The following TRIM41 variants were observed in gnomAD, a reference collection of about 807,000 sequenced individuals.
TRIM41 encodes the protein tripartite motif containing 41.
TRIM41 carries 21 observed loss-of-function variants against 60.6 expected under a neutral mutation model. That is an observed-to-expected ratio of 0.35 (90% CI 0.25 to 0.50). TRIM41 has a LOEUF of 0.50. TRIM41 is among the 20% of genes least tolerant of loss of function. The pLI is 0.98. For synonymous variants in TRIM41, 407 were observed against 344.9 expected (o/e 1.18, Z -2.00); for missense variants, 846 against 868.3 (o/e 0.97, Z 0.32).
intron 1 of TRIM41, chr5:181,230,313 G>A (rs565306908): frequency 2.5e-5 from 4 of 159,722 alleles, no homozygotes; most frequent in South Asian, 1.7e-4. Flanking sequence ...GTAGCATGGC[G>A]AGGTGAAACC....
chr5:181,235,293 T>G lies in TRIM41; in HGVS notation c.*518T>G. 1.2e-6 allele frequency: 2 copies of G among 1,614,026 alleles called. No homozygotes were observed. Among genetic ancestry groups the G allele is most frequent in the South Asian group, 2.2e-5 (2 of 91,052 alleles). Reference sequence around the variant, plus strand: ...AGGGTAGAGCTGGGTAATAAATGTCTATTCTCCTGGGGAGGAGGGATTCTA... The same window carrying G: ...AGGGTAGAGCTGGGTAATAAATGTCGATTCTCCTGGGGAGGAGGGATTCTA... On this transcript the variant is annotated 3_prime_UTR_variant, in exon 6 of 6. Coordinates refer to ENST00000315073, the MANE Select transcript of TRIM41 (RefSeq NM_033549.5).
rs1303829085 is a variant in TRIM41, at chr5:181,235,213, A to G, written c.*438A>G. On this transcript the variant is annotated 3_prime_UTR_variant, in exon 6 of 6. Transcript: ENST00000315073. ...ATCCCCATTCCAATTCCATTTTCTG[A>G]TGCAGATTTTAGCTGAGGGATTTGG... 1.3e-6 allele frequency: 2 copies of G among 1,562,224 alleles called. No homozygotes were observed. Among genetic ancestry groups the G allele is most frequent in the African/African-American group, 1.4e-5 (1 of 73,938 alleles).
At position 181,234,241 on chromosome 5, in the gene TRIM41, C is replaced by T. The variant is rs763684917; in HGVS notation, c.1359C>T (p.Val453=). 8 of 1,613,250 alleles carry T rather than the reference C, an allele frequency of 5.0e-6. No homozygotes were observed. The Admixed American group carries it at 6.7e-5, about 13-fold the overall frequency. ...TGCTGTCCCCTGACCGCCGGGGGGT[C>T]CGCCTGGCAGAGCGGCGGCAGGAGG... ...ALMLSPDRRG[V]RLAERRQEVA... is the part of the protein sequence containing the mutation. The change falls in exon 6 of 6, where the codon GTC becomes GTT. Residue 453 remains valine, a synonymous_variant. Coordinates refer to ENST00000315073, the MANE Select transcript of TRIM41 (RefSeq NM_033549.5). This position sits in a 1 kb window ranked among gnomAD's most constrained non-coding sequence, Gnocchi z 5.6.
rs1231313028 is a variant in TRIM41, at chr5:181,234,426, C to T, written c.1544C>T (p.Pro515Leu). The T allele has an allele frequency of 1.9e-6, 3 of 1,594,682 alleles. No homozygotes were observed. In the Admixed American group the frequency reaches 5.3e-5, roughly 28 times the overall value. ...ESTHHKEKVG[P>L]GGSSVGSGDA... is the part of the protein sequence containing the mutation. ...ACCCATCATAAGGAAAAGGTGGGCC[C>T]TGGGGGTTCCTCCGTGGGCAGCGGG... The change falls in exon 6 of 6, where the codon CCT (proline) becomes CTT (leucine). Residue 515 changes from proline to leucine, a missense_variant. Transcript: ENST00000315073. The surrounding 1 kb of genome is among the most constrained non-coding windows in gnomAD (Gnocchi z 5.6).
chr5:181,224,031 T>C lies in TRIM41; in HGVS notation c.32T>C (p.Val11Ala). MAAVAMTPNP[V>A]QTLQEEAVCA... ...GCCGTTGCCATGACACCCAACCCTG[T>C]GCAGACCCTTCAGGAGGAGGCGGTG... Residue 11 changes from valine to alanine, a missense_variant, in exon 1 of 6, where the codon GTG (valine) becomes GCG (alanine). By Grantham distance (64) the Val-to-Ala change is moderately conservative. Coordinates refer to ENST00000315073, the MANE Select transcript of TRIM41 (RefSeq NM_033549.5). 1 of 1,614,118 alleles carries C rather than the reference T, an allele frequency of 6.2e-7. No homozygotes were observed. The highest frequency in any genetic ancestry group is 8.5e-7 in the Non-Finnish European group (1 of 1,180,008).
At chr5:181,230,945 G>C (rs946991998) in intron 2 of TRIM41, 106 bp downstream of exon 2, 2 of 979,822 alleles carry the variant, frequency 2.0e-6, no homozygotes, top group Non-Finnish European at 1.6e-6. Context: ...GGAGGGGACA[G>C]CTAAGGCCTG....
Position 181,223,777 on chromosome 5 carries a change from G to GCCCAGCACTGT in TRIM41, c.-219_-209dup. The GCCCAGCACTGT allele has an allele frequency of 1.6e-6, 1 of 607,950 alleles. No homozygotes were observed. The highest frequency in any genetic ancestry group is 2.9e-6 in the Non-Finnish European group (1 of 343,856). 37.7% of individuals were successfully genotyped at this position (607,950 alleles called of 1,614,324 possible). On this transcript the variant is annotated 5_prime_UTR_variant, in exon 1 of 6. Coordinates refer to ENST00000315073, the MANE Select transcript of TRIM41 (RefSeq NM_033549.5). The stretch of plus-strand genomic sequence containing the variant: ...GCCACCTGAGGGACTTGGCGGTGGC[G>GCCCAGCACTGT]CCCAGCACTGTCCCCTCCCCTCGTA...
In TRIM41 at chr5:181,233,177, C is replaced by T. The variant is rs748986394; in HGVS notation, c.1141-236C>T. 6.6e-5 allele frequency: 47 copies of T among 714,090 alleles called. No individual in the cohort carries two copies. Among genetic ancestry groups the T allele is most frequent in the Non-Finnish European group, 7.9e-5 (31 of 393,928 alleles). 44.2% of individuals were successfully genotyped at this position (714,090 alleles called of 1,614,324 possible). On this transcript the variant is annotated intron_variant, in intron 3 of 5. Transcript: ENST00000315073. The surrounding 1 kb of genome is among the most constrained non-coding windows in gnomAD (Gnocchi z 4.1). Reference sequence around the variant, plus strand: ...GACATCCTGAAAAAGGTGAGCAAGTCGTATTGTGGAAATGACAGTATCCCT... The same window carrying T: ...GACATCCTGAAAAAGGTGAGCAAGTTGTATTGTGGAAATGACAGTATCCCT...
At chr5:181,227,605 C>T (rs1758604385) in intron 1 of TRIM41, 2 of 152,112 alleles carry the variant, frequency 1.3e-5, no homozygotes. Flanking sequence ...CCGTCTCGGC[C>T]TCCCAAAGTG....
chr5:181,230,802 T>C lies in TRIM41; in HGVS notation c.872T>C (p.Met291Thr). 2 of 1,613,004 alleles carry C rather than the reference T, an allele frequency of 1.2e-6. No homozygotes were observed. Among genetic ancestry groups the C allele is most frequent in the Non-Finnish European group, 1.7e-6 (2 of 1,179,394 alleles). ...LRKHLEAVQKMKAKEERRVTE... is the reference protein window; with the variant it reads ...LRKHLEAVQKTKAKEERRVTE... Reference sequence around the variant, plus strand: ...AAGCACCTGGAGGCAGTGCAGAAGATGAAAGCCAAGGAGGAGAGGCGAGTG... The same window carrying C: ...AAGCACCTGGAGGCAGTGCAGAAGACGAAAGCCAAGGAGGAGAGGCGAGTG... Residue 291 changes from methionine to threonine, a missense_variant, in exon 2 of 6, where the codon ATG (methionine) becomes ACG (threonine). Physicochemically the swap from Met to Thr is moderately conservative, Grantham distance 81. Coordinates refer to ENST00000315073, the MANE Select transcript of TRIM41 (RefSeq NM_033549.5).
chr5:181,229,029 G>C (rs1486845483), intron 1 of TRIM41: 1 of 150,530 alleles, frequency 6.6e-6, no homozygotes, highest in Non-Finnish European at 1.5e-5. Flanking sequence ...AAAGTAGAAA[G>C]TTATATCAGA....
chr5:181,233,831 G>C lies in TRIM41; in HGVS notation c.1291+68G>C. The C allele has an allele frequency of 6.2e-7, 1 of 1,609,658 alleles. No individual in the cohort carries two copies. The highest frequency in any genetic ancestry group is 8.5e-7 in the Non-Finnish European group (1 of 1,176,702). ...ACAGACCTGAGACTGGGTCCTGAGG[G>C]AAGTTGGGCCCCAGGGAAACTGTGG... On this transcript the variant is annotated intron_variant, in intron 5 of 5. Coordinates refer to ENST00000315073, the MANE Select transcript of TRIM41 (RefSeq NM_033549.5). The surrounding 1 kb of genome is among the most constrained non-coding windows in gnomAD (Gnocchi z 4.1).
Position 181,224,510 on chromosome 5 carries a change from C to A in TRIM41, c.511C>A (p.Leu171Met). 6.2e-7 allele frequency: 1 copy of A among 1,612,060 alleles called. No individual in the cohort carries two copies. Among genetic ancestry groups the A allele is most frequent in the Non-Finnish European group, 8.5e-7 (1 of 1,178,408 alleles). The stretch of plus-strand genomic sequence containing the variant: ...AGAGGATCTAGACCCCGTCACCCCA[C>A]TGCCCCCGCCTCCAGCCCCTCGGAG... ...EEEDLDPVTP[L>M]PPPPAPRRCF... Residue 171 changes from leucine (L) to methionine (M), a missense_variant, in exon 1 of 6, where the codon CTG becomes ATG. Physicochemically the swap from Leu to Met is conservative, Grantham distance 15. Coordinates refer to ENST00000315073, the MANE Select transcript of TRIM41 (RefSeq NM_033549.5).
intron 2 of TRIM41, 82 bp from the exon 3 acceptor site, chr5:181,232,577 T>G: frequency 7.5e-7 from 1 of 1,338,982 alleles, no homozygotes; most frequent in Non-Finnish European, 1.0e-6. Context: ...TTGCCTTGCA[T>G]TGAGAAGTAG....
chr5:181,224,330 G>A lies in TRIM41; in HGVS notation c.331G>A (p.Gly111Ser). The change falls in exon 1 of 6, where the codon GGC becomes AGC. Residue 111 changes from glycine (G) to serine (S), a missense_variant. Coordinates refer to ENST00000315073, the MANE Select transcript of TRIM41 (RefSeq NM_033549.5). ...EEEEGVFWTS[G>S]MSRSSWDNMD... ...AGAAGAGGGTGTGTTCTGGACCAGT[G>A]GCATGAGCAGGTCCAGCTGGGACAA... 4.3e-6 allele frequency: 7 copies of A among 1,614,046 alleles called. No homozygotes were observed. Among genetic ancestry groups the A allele is most frequent in the Non-Finnish European group, 5.9e-6 (7 of 1,179,984 alleles).
rs2546390 is a variant in TRIM41, at chr5:181,233,831, G to A, written c.1291+68G>A. On this transcript the variant is annotated intron_variant, in intron 5 of 5. Transcript: ENST00000315073. The surrounding 1 kb of genome is among the most constrained non-coding windows in gnomAD (Gnocchi z 4.1). ...ACAGACCTGAGACTGGGTCCTGAGG[G>A]AAGTTGGGCCCCAGGGAAACTGTGG... 116,056 of 1,609,530 alleles carry A rather than the reference G, an allele frequency of 0.072. 15,262 individuals carry two copies. The highest frequency in any genetic ancestry group is 0.59 in the African/African-American group (43,786 of 74,832).
At chr5:181,224,998 G>C in intron 1 of TRIM41, 186 bp downstream of exon 1, 1 of 719,976 alleles carries the variant, frequency 1.4e-6, no homozygotes, top group Non-Finnish European at 2.3e-6. Flanking sequence ...TGTACACAGA[G>C]CAGATGCAGT....
chr5:181,227,937 A>AT (rs542414802), intron 1 of TRIM41: 5,357 of 126,712 alleles, frequency 0.042, 145 homozygotes, highest in African/African-American at 0.061. Flanking sequence ...TGCCCAGCTA[A>AT]TTTTTTTTTT....
chr5:181,232,538 A>G (rs752175226), intron 2 of TRIM41, 121 bp from the exon 3 acceptor site: 113 of 913,768 alleles, frequency 1.2e-4, no homozygotes, highest in Non-Finnish European at 1.7e-4. Context: ...TTCCGGGACT[A>G]TCTTGGACCT....
Sources: gnomAD v4.1 joint callset for allele counts on GRCh38, gnomAD v4.1.1 for gene constraint, Gnocchi (gnomAD v3.1) non-coding constraint, MANE v1.5 for transcripts, NCBI Gene and HGNC (gene_info 2026-07-23, HGNC 2026-07-21) for gene names.